PFKFB4: variants seen among roughly 807,000 people sequenced by gnomAD.
PFKFB4 encodes 6-phosphofructo-2-kinase/fructose-2,6-biphosphatase 4.
PFKFB4 carries 42 observed loss-of-function variants against 62.8 expected under a neutral mutation model. The ratio of observed to expected loss-of-function variants is 0.67; its 90% CI spans 0.52 to 0.86. The LOEUF (loss-of-function observed/expected upper bound fraction) is 0.86, where lower values mean the gene tolerates loss of function less well. Among genes scored for constraint, PFKFB4 ranks in the 40% least tolerant of loss-of-function variants. The probability of loss-of-function intolerance (pLI) is 0.00; values close to 1 mark genes in which losing one functional copy is unlikely to be tolerated. For synonymous variants in PFKFB4, 204 were observed against 240.7 expected (o/e 0.85, Z 1.41); for missense variants, 475 against 627.2 (o/e 0.76, Z 2.59).
At chr3:48,559,070 G>C (rs75164798), upstream of PFKFB4, among the ~76,000 whole-genome samples, 530 of 152,308 alleles carry the variant, frequency 3.5e-3, 2 homozygotes, top group African/African-American at 0.012. Flanking sequence ...CTAATCAAGG[G>C]CTGGGGGTAG....
intron 4 of PFKFB4, among the ~76,000 whole-genome samples, chr3:48,541,506 A>G (rs1440496372): frequency 6.6e-6 from 1 of 151,672 alleles, no homozygotes; most frequent in Non-Finnish European, 1.5e-5. Flanking sequence ...CTTGGGCTCA[A>G]GCAGTCCTCC....
At chr3:48,560,302 C>G (rs2043412921), upstream of PFKFB4, among the ~76,000 whole-genome samples, 1 of 152,204 alleles carries the variant, frequency 6.6e-6, no homozygotes, top group Non-Finnish European at 1.5e-5. Flanking sequence ...ATATATCTCT[C>G]CACCCCCAGC....
chr3:48,557,703 A>G (rs1401604657), upstream of PFKFB4, among the ~76,000 whole-genome samples: 1 of 151,794 alleles, frequency 6.6e-6, no homozygotes, highest in Non-Finnish European at 1.5e-5. Context: ...CGCCCTGCTA[A>G]TTTTTGTATT....
chr3:48,542,484 A>G (rs1440551848), intron 4 of PFKFB4, among the ~76,000 whole-genome samples: 1 of 152,120 alleles, frequency 6.6e-6, no homozygotes, highest in Non-Finnish European at 1.5e-5. Flanking sequence ...AAAGGGGCAG[A>G]GGTGATTTGT....
At chr3:48,532,757 G>C (rs911798838) in intron 9 of PFKFB4, among the ~76,000 whole-genome samples, 7 of 152,158 alleles carry the variant, frequency 4.6e-5, no homozygotes, top group African/African-American at 1.7e-4. Context: ...GGAGGCAAGA[G>C]AATCGTTGAG....
intron 9 of PFKFB4, among the ~76,000 whole-genome samples, chr3:48,535,212 G>A (rs183422712): frequency 1.7e-4 from 26 of 152,280 alleles, no homozygotes; most frequent in African/African-American, 5.3e-4. Flanking sequence ...CCAAGCTCCC[G>A]TGGCCGCTGA....
intron 9 of PFKFB4, among the ~76,000 whole-genome samples, chr3:48,533,064 G>C (rs2042477143): frequency 6.6e-6 from 1 of 152,088 alleles, no homozygotes; most frequent in South Asian, 2.1e-4. Context: ...TTAGAGATGG[G>C]GTCTCACTAT....
At chr3:48,553,326 T>G (rs2043213211) in intron 1 of PFKFB4, among the ~76,000 whole-genome samples, 1 of 152,054 alleles carries the variant, frequency 6.6e-6, no homozygotes, top group Non-Finnish European at 1.5e-5. Flanking sequence ...ATACAAAAAT[T>G]AGCCGGGTGT....
intron 6 of PFKFB4, 70 bp from the exon 7 acceptor site, chr3:48,538,689 A>G (rs887251038): frequency 6.2e-7 from 1 of 1,600,656 alleles, no homozygotes; most frequent in African/African-American, 1.3e-5. Context: ...GACCAAGGAG[A>G]CTGCTGGGCA....
upstream of PFKFB4, chr3:48,557,063 T>C: frequency 2.1e-6 from 2 of 958,378 alleles, no homozygotes; most frequent in South Asian, 4.3e-5. Context: ...CGGATTGTAC[T>C]GGTCCCGCCC....
chr3:48,527,684 C>CCTT (rs1491452453), intron 9 of PFKFB4, among the ~76,000 whole-genome samples: 1,815 of 121,162 alleles, frequency 0.015, 46 homozygotes, highest in African/African-American at 0.052. Context: ...CGTCCATCAT[C>CCTT]TTTTTTTTTT....
At chr3:48,541,828 T>C (rs991717469) in intron 4 of PFKFB4, among the ~76,000 whole-genome samples, 1 of 152,036 alleles carries the variant, frequency 6.6e-6, no homozygotes, top group Non-Finnish European at 1.5e-5. Flanking sequence ...TAGCCAAGCA[T>C]GGTGGCACGT....
chr3:48,523,200 A>G (rs1345697019), intron 12 of PFKFB4, among the ~76,000 whole-genome samples: 1 of 152,074 alleles, frequency 6.6e-6, no homozygotes, highest in South Asian at 2.1e-4. Flanking sequence ...GCCTGACAAC[A>G]TGGTGACACT....
chr3:48,527,968 CATG>C (rs1190447274), intron 9 of PFKFB4, among the ~76,000 whole-genome samples: 1 of 152,032 alleles, frequency 6.6e-6, no homozygotes, highest in East Asian at 1.9e-4. Context: ...GGATTACAGT[CATG>C]AGCCACTACG....
At chr3:48,557,169 C>T (rs2043349428), upstream of PFKFB4, among the ~76,000 whole-genome samples, 1 of 152,268 alleles carries the variant, frequency 6.6e-6, no homozygotes, top group African/African-American at 2.4e-5. Context: ...CACCTACGGG[C>T]TCCGCCCTGG....
At chr3:48,554,198 C>T (rs1368670200) in intron 1 of PFKFB4, among the ~76,000 whole-genome samples, 1 of 152,174 alleles carries the variant, frequency 6.6e-6, no homozygotes, top group East Asian at 1.9e-4. Context: ...CCCCACAAAG[C>T]CCTGGGACCA....
At chr3:48,544,314 TGAAA>T (rs2042893160) in intron 3 of PFKFB4, among the ~76,000 whole-genome samples, 1 of 152,152 alleles carries the variant, frequency 6.6e-6, no homozygotes, top group South Asian at 2.1e-4. Flanking sequence ...CTTTCTTTCC[TGAAA>T]GAGAGTTCCC....
At chr3:48,522,086 T>C in intron 12 of PFKFB4, 36 bp from the exon 13 acceptor site, 1 of 1,595,716 alleles carries the variant, frequency 6.3e-7, no homozygotes, top group Non-Finnish European at 8.6e-7. Flanking sequence ...TCCCCACTCC[T>C]GAAAGGCAGC....
chr3:48,549,107 C>T (rs1424823819), intron 3 of PFKFB4, among the ~76,000 whole-genome samples: 1 of 152,206 alleles, frequency 6.6e-6, no homozygotes, highest in African/African-American at 2.4e-5. Flanking sequence ...CCACAGCTAA[C>T]ACCTCCTGAG....
Sources: allele counts gnomAD v4.1 joint callset (sites outside exome capture counted in the v4.1 genomes callset), GRCh38; gene constraint gnomAD v4.1.1; transcripts MANE v1.5; gene names NCBI Gene and HGNC (gene_info 2026-07-23, HGNC 2026-07-21).